RANBP2: variants seen among roughly 807,000 people sequenced by gnomAD.
RANBP2 encodes E3 SUMO-protein ligase RanBP2.
In RANBP2, 57 loss-of-function variants were observed where a neutral mutation model predicts 303.6. The observed-to-expected ratio is 0.19, with a 90% CI of 0.15 to 0.23. The LOEUF is 0.23. Among genes scored for constraint, RANBP2 ranks in the 10% least tolerant of loss-of-function variants. The pLI is 1.00. For missense variants in RANBP2, 3,138 were observed against 3,780.8 expected (o/e 0.83, Z 4.46); for synonymous variants, 1,167 against 1,301.5 (o/e 0.90, Z 2.23).
At chr2:109,452,901 C>G in the RANBP2 span, among the ~76,000 whole-genome samples, 4 of 142,038 alleles carry the variant, frequency 2.8e-5, no homozygotes, top group Non-Finnish European at 6.1e-5. Flanking sequence ...GGAGGCTGGT[C>G]CCGGGAGGCT....
chr2:109,188,088 A>G, the RANBP2 span, among the ~76,000 whole-genome samples: 4 of 152,230 alleles, frequency 2.6e-5, no homozygotes, highest in African/African-American at 4.8e-5. Flanking sequence ...CGAACTGCAG[A>G]TGTGTGCTCT....
chr2:109,425,077 G>A, the RANBP2 span, among the ~76,000 whole-genome samples: 2,028 of 152,296 alleles, frequency 0.013, 45 homozygotes, highest in African/African-American at 0.047. Context: ...TTGCTGATAC[G>A]GAGAATGTTT....
the RANBP2 span, among the ~76,000 whole-genome samples, chr2:108,887,172 G>A: frequency 6.7e-5 from 10 of 149,140 alleles, no homozygotes; most frequent in Admixed American, 3.4e-4. Context: ...TTTTGGCTTT[G>A]TCAAAGATCA....
chr2:108,736,265 G>A lies in RANBP2; in HGVS notation c.782+16G>A. 6.2e-7 allele frequency: 1 copy of A among 1,611,940 alleles called. No homozygotes were observed. Among genetic ancestry groups the A allele is most frequent in the South Asian group, 1.1e-5 (1 of 90,982 alleles). ...TACTGCAAAGGTACGTTGACTTTGA[G>A]AAGAATGCTTTAGTATAAATTGCAG... On this transcript the variant is annotated intron_variant, in intron 6 of 28. Coordinates refer to ENST00000283195, the MANE Select transcript of RANBP2 (RefSeq NM_006267.5).
the RANBP2 span, among the ~76,000 whole-genome samples, chr2:109,272,486 C>T: frequency 1.3e-5 from 2 of 152,226 alleles, no homozygotes; most frequent in African/African-American, 4.8e-5. Context: ...GCAGGGAGCC[C>T]CCTTCGCCTC....
the RANBP2 span, among the ~76,000 whole-genome samples, chr2:108,900,990 G>GA: frequency 6.6e-5 from 10 of 151,850 alleles, no homozygotes; most frequent in African/African-American, 1.2e-4. Context: ...AGAACAATTA[G>GA]AAAAAAAATC....
chr2:109,204,438 A>G, the RANBP2 span, among the ~76,000 whole-genome samples: 1 of 152,234 alleles, frequency 6.6e-6, no homozygotes, highest in African/African-American at 2.4e-5. Flanking sequence ...AATCTGCTGT[A>G]GTTTTTGTTA....
At chr2:108,835,040 A>G in the RANBP2 span, among the ~76,000 whole-genome samples, 1 of 152,256 alleles carries the variant, frequency 6.6e-6, no homozygotes, top group Non-Finnish European at 1.5e-5. Context: ...TGAGATTCAA[A>G]TAATGCTGCT....
chr2:108,837,020 C>T, the RANBP2 span, among the ~76,000 whole-genome samples: 60 of 152,080 alleles, frequency 3.9e-4, no homozygotes, highest in African/African-American at 1.2e-3. Context: ...GATGATTTTA[C>T]TTCTCCAATT....
At chr2:109,129,371 TC>T in the RANBP2 span, 4 of 873,792 alleles carry the variant, frequency 4.6e-6, no homozygotes, top group African/African-American at 7.5e-5. Context: ...CGCAGGCCGG[TC>T]GGTGAGCCAC....
the RANBP2 span, among the ~76,000 whole-genome samples, chr2:109,645,421 GT>G: frequency 6.6e-6 from 1 of 152,222 alleles, no homozygotes; most frequent in Non-Finnish European, 1.5e-5. Context: ...CTGAGATTTT[GT>G]TCTCTGTGTA....
the RANBP2 span, among the ~76,000 whole-genome samples, chr2:109,359,097 G>A: frequency 6.6e-6 from 1 of 151,926 alleles, no homozygotes; most frequent in Non-Finnish European, 1.5e-5. Context: ...GTATTTATGT[G>A]GGTTTATTTC....
chr2:108,962,700 A>G, the RANBP2 span, among the ~76,000 whole-genome samples: 92,934 of 128,784 alleles, frequency 0.72, 39,455 homozygotes, highest in Non-Finnish European at 0.94. Flanking sequence ...AAAAAAAAAA[A>G]AGAGAGAAAG....
chr2:109,349,420 A>C, the RANBP2 span, among the ~76,000 whole-genome samples: 1 of 152,030 alleles, frequency 6.6e-6, no homozygotes, highest in Non-Finnish European at 1.5e-5. Context: ...CTCCCCACTC[A>C]GTCGGAGGGC....
chr2:108,743,289 G>T (rs951087037), intron 7 of RANBP2, among the ~76,000 whole-genome samples: 3 of 151,988 alleles, frequency 2.0e-5, no homozygotes, highest in Admixed American at 1.3e-4. Context: ...ATGTAGTTTT[G>T]GGAGGCAGAG....
chr2:109,703,819 T>C, the RANBP2 span, among the ~76,000 whole-genome samples: 4 of 152,366 alleles, frequency 2.6e-5, no homozygotes, highest in South Asian at 6.2e-4. Flanking sequence ...GTCAGAATTA[T>C]ATTCCTAAAA....
At chr2:109,545,935 T>C in the RANBP2 span, 1 of 1,459,224 alleles carries the variant, frequency 6.9e-7, no homozygotes, top group Non-Finnish European at 9.1e-7. Context: ...TGACATTTAG[T>C]TGGAGAAGGA....
the RANBP2 span, among the ~76,000 whole-genome samples, chr2:109,529,735 C>A: frequency 1.3e-5 from 2 of 152,176 alleles, no homozygotes; most frequent in Non-Finnish European, 2.9e-5. Context: ...CCCTGAAGGT[C>A]ATAAGAGGTC....
intron 28 of RANBP2, among the ~76,000 whole-genome samples, 169 bp from the exon 29 acceptor site, chr2:108,783,427 T>A (rs1678398926): frequency 6.6e-6 from 1 of 151,292 alleles, no homozygotes; most frequent in South Asian, 2.1e-4. Flanking sequence ...TCATTTTTCA[T>A]CTTCTTTCCA....
Sources: gnomAD v4.1 joint callset for allele counts (sites outside exome capture counted in the v4.1 genomes callset) on GRCh38, gnomAD v4.1.1 for gene constraint, MANE v1.5 for transcripts, NCBI Gene and HGNC (gene_info 2026-07-23, HGNC 2026-07-21) for gene names.